The following RANBP17 variants were observed in gnomAD, a reference collection of about 807,000 sequenced individuals.
RANBP17 encodes RAN binding protein 17, also known as ran-binding protein 17.
A neutral mutation model predicts 141.2 loss-of-function variants in RANBP17; 158 were observed. The ratio of observed to expected loss-of-function variants is 1.12; its 90% CI spans 0.98 to 1.28. The LOEUF is 1.28. Among genes scored for constraint, RANBP17 ranks in the 50% most tolerant of loss-of-function variants. The pLI is 0.00. For synonymous variants in RANBP17, 430 were observed against 450.0 expected (o/e 0.96, Z 0.56); for missense variants, 1,438 against 1,290.7 (o/e 1.11, Z -1.75).
chr5:171,115,824 T>A (rs765011901), intron 14 of RANBP17, among the ~76,000 whole-genome samples: 7 of 152,144 alleles, frequency 4.6e-5, no homozygotes, highest in African/African-American at 1.7e-4. Flanking sequence ...CTAGCAAAAT[T>A]TTTACTACTA....
intron 25 of RANBP17, among the ~76,000 whole-genome samples, chr5:171,284,859 T>G (rs554444067): frequency 6.6e-6 from 1 of 152,314 alleles, no homozygotes; most frequent in South Asian, 2.1e-4. Flanking sequence ...CTCCAGAACC[T>G]AATCAGTATT....
At chr5:170,938,131 A>T (rs1238793511) in intron 12 of RANBP17, among the ~76,000 whole-genome samples, 1 of 152,194 alleles carries the variant, frequency 6.6e-6, no homozygotes, top group Non-Finnish European at 1.5e-5. Flanking sequence ...GTCAAACAGC[A>T]AACAAGGGCA....
intron 14 of RANBP17, among the ~76,000 whole-genome samples, chr5:171,078,830 C>T (rs1349146628): frequency 6.6e-6 from 1 of 152,336 alleles, no homozygotes; most frequent in South Asian, 2.1e-4. Context: ...CTTGGTCATG[C>T]AAGAGCTCTG....
At chr5:170,919,921 G>C (rs1383258385) in intron 11 of RANBP17, among the ~76,000 whole-genome samples, 1 of 151,870 alleles carries the variant, frequency 6.6e-6, no homozygotes, top group Non-Finnish European at 1.5e-5. Context: ...AAATTATACA[G>C]TATGCAGCTT....
intron 22 of RANBP17, among the ~76,000 whole-genome samples, chr5:171,235,066 A>C (rs1378004128): frequency 2.0e-5 from 3 of 152,194 alleles, no homozygotes; most frequent in Non-Finnish European, 2.9e-5. Context: ...AGGAGCAAAC[A>C]CTGAAGAAAA....
intron 22 of RANBP17, among the ~76,000 whole-genome samples, chr5:171,234,380 TTAACTC>T (rs1158885094): frequency 3.3e-5 from 5 of 152,134 alleles, no homozygotes; most frequent in African/African-American, 7.2e-5. Flanking sequence ...CACTTTGACT[TTAACTC>T]TAAATAAAAT....
chr5:171,134,775 A>G (rs1378881408), intron 14 of RANBP17, among the ~76,000 whole-genome samples: 2 of 151,822 alleles, frequency 1.3e-5, no homozygotes, highest in African/African-American at 4.8e-5. Flanking sequence ...ACAAAAATTG[A>G]CTGGGCGTTG....
intron 14 of RANBP17, among the ~76,000 whole-genome samples, chr5:171,094,686 G>A (rs539941520): frequency 6.6e-5 from 10 of 152,126 alleles, no homozygotes; most frequent in South Asian, 2.1e-4. Context: ...CGTTCTCTTC[G>A]TGTAAAGGAA....
At chr5:171,269,010 G>GT (rs1462542822) in intron 25 of RANBP17, among the ~76,000 whole-genome samples, 4 of 152,178 alleles carry the variant, frequency 2.6e-5, no homozygotes, top group African/African-American at 9.7e-5. Flanking sequence ...ATATGACTAA[G>GT]TAGTGATATA....
intron 14 of RANBP17, among the ~76,000 whole-genome samples, chr5:171,104,419 A>G (rs1381302964): frequency 6.6e-6 from 1 of 152,234 alleles, no homozygotes; most frequent in Non-Finnish European, 1.5e-5. Context: ...GAAAGAGAAC[A>G]TAAATGCAAT....
chr5:171,183,041 A>G (rs1241392445), intron 16 of RANBP17, 126 bp from the exon 17 acceptor site: 3 of 591,748 alleles, frequency 5.1e-6, no homozygotes, highest in Non-Finnish European at 9.1e-6. Context: ...TTCTATAGGA[A>G]TGCTCTTTAG....
At chr5:171,057,637 A>T (rs1467346163) in intron 14 of RANBP17, among the ~76,000 whole-genome samples, 1 of 142,988 alleles carries the variant, frequency 7.0e-6, no homozygotes. Context: ...CTGTGAAGAA[A>T]TACCCAAGAC....
chr5:171,109,868 T>G (rs1199359584), intron 14 of RANBP17, among the ~76,000 whole-genome samples: 1 of 152,186 alleles, frequency 6.6e-6, no homozygotes, highest in Non-Finnish European at 1.5e-5. Flanking sequence ...TACATCACTT[T>G]GAAGAAATAT....
intron 1 of RANBP17, among the ~76,000 whole-genome samples, chr5:170,874,629 C>A (rs565339375): frequency 6.1e-5 from 9 of 148,408 alleles, no homozygotes; most frequent in African/African-American, 2.2e-4. Context: ...TCTGTTTTGT[C>A]AGAAACTAGG....
chr5:171,153,175 T>C (rs1755410676), intron 14 of RANBP17, among the ~76,000 whole-genome samples: 1 of 152,216 alleles, frequency 6.6e-6, no homozygotes, highest in African/African-American at 2.4e-5. Context: ...TCAGACTTTA[T>C]GGTGACAGAA....
chr5:170,965,103 G>T (rs1308792057), intron 13 of RANBP17, among the ~76,000 whole-genome samples: 1 of 152,152 alleles, frequency 6.6e-6, no homozygotes, highest in African/African-American at 2.4e-5. Flanking sequence ...ACTGGTGTGA[G>T]ATGGTATCTC....
At chr5:170,888,809 T>TCATAA (rs1769368609) in intron 3 of RANBP17, among the ~76,000 whole-genome samples, 3 of 152,132 alleles carry the variant, frequency 2.0e-5, no homozygotes, top group Admixed American at 6.5e-5. Flanking sequence ...TTCTCACCAT[T>TCATAA]AAATATGATT....
chr5:171,283,987 T>C (rs1319601274), intron 25 of RANBP17, among the ~76,000 whole-genome samples: 2 of 152,238 alleles, frequency 1.3e-5, no homozygotes, highest in African/African-American at 4.8e-5. Flanking sequence ...CGTGCCATTA[T>C]GCTTATGCTG....
At chr5:171,190,146 TTG>T (rs1456276811) in intron 18 of RANBP17, among the ~76,000 whole-genome samples, 1 of 152,178 alleles carries the variant, frequency 6.6e-6, no homozygotes, top group Non-Finnish European at 1.5e-5. Flanking sequence ...TGAAAATGTC[TTG>T]TGTATAAGCC....
Sources: gnomAD v4.1 joint callset for allele counts (sites outside exome capture counted in the v4.1 genomes callset) on GRCh38, gnomAD v4.1.1 for gene constraint, MANE v1.5 for transcripts, NCBI Gene and HGNC (gene_info 2026-07-23, HGNC 2026-07-21) for gene names.